Variants in LRRC4C observed in about 807,000 individuals in gnomAD.
The protein encoded by LRRC4C is leucine-rich repeat-containing protein 4C.
In LRRC4C, 5 loss-of-function variants were observed where a neutral mutation model predicts 33.6. That is an observed-to-expected ratio of 0.15 (90% CI 0.08 to 0.31). LRRC4C has a LOEUF of 0.31. Among genes scored for constraint, LRRC4C ranks in the 10% least tolerant of loss-of-function variants. The probability of loss-of-function intolerance (pLI) is 1.00; values close to 1 mark genes in which losing one functional copy is unlikely to be tolerated. For missense variants in LRRC4C, 560 were observed against 796.7 expected (o/e 0.70, Z 3.58); for synonymous variants, 329 against 302.0 (o/e 1.09, Z -0.93).
At chr11:40,295,062 C>T (rs1944442400) in intron 4 of LRRC4C, among the ~76,000 whole-genome samples, 1 of 152,108 alleles carries the variant, frequency 6.6e-6, no homozygotes, top group African/African-American at 2.4e-5. Context: ...TTCCAACATC[C>T]CCTGCTCCAG....
At chr11:40,860,775 ATCTTTTTTTT>A (rs1954049951) in intron 2 of LRRC4C, among the ~76,000 whole-genome samples, 1 of 81,598 alleles carries the variant, frequency 1.2e-5, no homozygotes, top group African/African-American at 5.0e-5. Flanking sequence ...AGGGCTTAGG[ATCTTTTTTTT>A]TTTTTTTTTT....
At chr11:40,696,898 T>C (rs529000416) in intron 2 of LRRC4C, among the ~76,000 whole-genome samples, 1 of 150,818 alleles carries the variant, frequency 6.6e-6, no homozygotes, top group African/African-American at 2.4e-5. Context: ...GTATATGAAT[T>C]AGCCAACAAC....
intron 3 of LRRC4C, among the ~76,000 whole-genome samples, chr11:40,355,286 G>A (rs1167630448): frequency 2.0e-5 from 3 of 152,252 alleles, no homozygotes; most frequent in Non-Finnish European, 4.4e-5. Context: ...GCTTTGGGTT[G>A]GGAGAGGGGT....
intron 1 of LRRC4C, among the ~76,000 whole-genome samples, chr11:41,230,558 A>G (rs1049916159): frequency 6.6e-6 from 1 of 152,062 alleles, no homozygotes; most frequent in Non-Finnish European, 1.5e-5. Context: ...GCAAGTTTTA[A>G]TTATTAGCCA....
chr11:41,361,689 G>A (rs894247623), intron 1 of LRRC4C, among the ~76,000 whole-genome samples: 3 of 152,080 alleles, frequency 2.0e-5, no homozygotes, highest in African/African-American at 7.2e-5. Flanking sequence ...TTATATCTCT[G>A]AATTCTACTT....
chr11:40,326,552 GAAA>G lies in LRRC4C; in HGVS notation c.-269-6834_-269-6832del, dbSNP rs67048103. Among the ~76,000 whole-genome samples, 296 of 141,530 alleles carry G rather than the reference GAAA, an allele frequency of 2.1e-3. 2 individuals are homozygous for G. Among genetic ancestry groups the G allele is most frequent in the East Asian group, 0.013 (63 of 4,874 alleles). The allele number at this position is 141,530 out of a possible 152,430, so 92.8% of individuals were successfully genotyped here. On this transcript the variant is annotated intron_variant, in intron 3 of 6. Transcript: ENST00000528697. ...CTCCAGGCAAGACTCCTTCTCAAAA[GAAA>G]AAAAAAAAAAAAAGAAGAAGTCTAC...
chr11:40,229,720 AT>A (rs1362107778), intron 5 of LRRC4C, among the ~76,000 whole-genome samples: 1 of 152,172 alleles, frequency 6.6e-6, no homozygotes, highest in Non-Finnish European at 1.5e-5. Flanking sequence ...ATTTTCCTAG[AT>A]TTTGGGACCT....
chr11:40,520,009 G>T (rs1474579551), intron 3 of LRRC4C, among the ~76,000 whole-genome samples: 2 of 152,156 alleles, frequency 1.3e-5, no homozygotes, highest in East Asian at 1.9e-4. Flanking sequence ...TGGCTTCAAA[G>T]CTGTGAAGGA....
At chr11:41,192,660 C>T (rs1385501016) in intron 1 of LRRC4C, among the ~76,000 whole-genome samples, 1 of 151,912 alleles carries the variant, frequency 6.6e-6, no homozygotes, top group African/African-American at 2.4e-5. Context: ...CTTAAAAATG[C>T]AGCTTTTACG....
intron 1 of LRRC4C, among the ~76,000 whole-genome samples, chr11:41,241,191 G>A (rs1286439171): frequency 2.0e-5 from 3 of 152,100 alleles, no homozygotes; most frequent in Admixed American, 1.3e-4. Context: ...CCAAATGAAA[G>A]CGTTATTCAA....
chr11:41,426,270 C>T (rs1009804251), intron 1 of LRRC4C: 2 of 152,154 alleles, frequency 1.3e-5, no homozygotes, highest in African/African-American at 4.8e-5. Flanking sequence ...TAAACTATAG[C>T]TTTTGATGCC....
At position 40,546,463 on chromosome 11, in the gene LRRC4C, T is replaced by C. The variant is rs1347872779; in HGVS notation, c.-270+101679A>G. 2.6e-5 allele frequency among the ~76,000 whole-genome samples: 4 copies of C among 152,100 alleles called. No individual in the cohort carries two copies. The East Asian group carries it at 7.7e-4, about 29-fold the overall frequency. The stretch of plus-strand genomic sequence containing the variant: ...GAGCCACATTGGGATCAATTTTACA[T>C]GGTTGTGATAAAATTTAGCACAGCA... On this transcript the variant is annotated intron_variant, in intron 3 of 6. Coordinates refer to ENST00000528697, the MANE Select transcript of LRRC4C (RefSeq NM_001258419.2).
At chr11:40,173,476 T>C (rs1565088313) in intron 5 of LRRC4C, among the ~76,000 whole-genome samples, 1 of 152,228 alleles carries the variant, frequency 6.6e-6, no homozygotes, top group Non-Finnish European at 1.5e-5. Context: ...GGAGCATTCA[T>C]GAAGCTTAAA....
At chr11:40,779,723 C>G (rs946371305) in intron 2 of LRRC4C, among the ~76,000 whole-genome samples, 4 of 152,108 alleles carry the variant, frequency 2.6e-5, no homozygotes, top group Admixed American at 2.6e-4. Flanking sequence ...TACCCTGGCA[C>G]AGGTGAGACA....
intron 1 of LRRC4C, among the ~76,000 whole-genome samples, chr11:40,995,116 A>AT (rs1413586007): frequency 1.3e-5 from 2 of 152,038 alleles, no homozygotes; most frequent in Non-Finnish European, 2.9e-5. Flanking sequence ...AGAACTGAGT[A>AT]TTTTTTTCTC....
intron 1 of LRRC4C, among the ~76,000 whole-genome samples, chr11:41,347,578 G>T (rs1951843994): frequency 6.6e-6 from 1 of 152,100 alleles, no homozygotes; most frequent in Non-Finnish European, 1.5e-5. Context: ...TTCATGGATG[G>T]AATCGATTTC....
intron 1 of LRRC4C, among the ~76,000 whole-genome samples, chr11:41,007,934 T>C (rs1021289241): frequency 1.3e-5 from 2 of 152,154 alleles, no homozygotes; most frequent in Non-Finnish European, 2.9e-5. Context: ...GCACTATCCA[T>C]CTTGTTACTT....
rs138414927 is a variant in LRRC4C at position 40,182,901 on chromosome 11, C to T, written c.-95-42048G>A. 1.2e-4 allele frequency among the ~76,000 whole-genome samples: 18 copies of T among 152,026 alleles called. No individual in the cohort carries two copies. In the East Asian group the frequency reaches 1.4e-3, roughly 11 times the overall value. On this transcript the variant is annotated intron_variant, in intron 5 of 6. Transcript: ENST00000528697. Reference sequence around the variant, plus strand: ...TTAACTAATTTAGTTTTCATAATAACGGGAAGAGTTAAGTACTATTATCAC... The same window carrying T: ...TTAACTAATTTAGTTTTCATAATAATGGGAAGAGTTAAGTACTATTATCAC...
At chr11:41,415,676 T>C (rs985700105) in intron 1 of LRRC4C, among the ~76,000 whole-genome samples, 3 of 152,090 alleles carry the variant, frequency 2.0e-5, no homozygotes, top group African/African-American at 7.2e-5. Flanking sequence ...ATTTTAGATG[T>C]TGGATTTTTA....
Sources: gnomAD v4.1 joint callset for allele counts (sites outside exome capture counted in the v4.1 genomes callset) on GRCh38, gnomAD v4.1.1 for gene constraint, MANE v1.5 for transcripts, NCBI Gene and HGNC (gene_info 2026-07-23, HGNC 2026-07-21) for gene names.